DDX55: variants seen among roughly 807,000 people sequenced by gnomAD.
The protein encoded by DDX55 is DEAD-box helicase 55.
DDX55 carries 56 observed loss-of-function variants against 69.2 expected under a neutral mutation model. That is an observed-to-expected ratio of 0.81 (90% CI 0.65 to 1.01). DDX55 has a LOEUF of 1.01. Ranked by LOEUF, DDX55 falls within the 50% of genes least tolerant of loss-of-function variation. DDX55 has a pLI of 0.00. For missense variants in DDX55, 720 were observed against 745.1 expected, an observed-to-expected ratio of 0.97 and a Z score of 0.39; for synonymous variants, 268 against 273.1, an observed-to-expected ratio of 0.98 and a Z score of 0.18.
intron 8 of DDX55, among the ~76,000 whole-genome samples, chr12:123,614,916 A>T (rs1484861766): frequency 6.6e-6 from 1 of 152,214 alleles, no homozygotes; most frequent in East Asian, 1.9e-4. Context: ...ATTTCCCGTG[A>T]GAACATCTTT....
At position 123,610,017 on chromosome 12, in the gene DDX55, GA is replaced by G; in HGVS notation, c.632del (p.Asn211ThrfsTer3). ...CTGCCACTCAGACGCAGGAAGTGGA[GA>G]ACCTGGTGAGAGCGGGCCTCCGGAA... is the stretch of plus-strand genomic sequence containing the variant. ...FSATQTQEVENLVRAGLRNPV... is the reference protein window; with the variant it reads ...FSATQTQEVEXLVRAGLRNPV... On this transcript the variant is annotated frameshift_variant, in exon 7 of 14. Coordinates refer to ENST00000238146, the MANE Select transcript of DDX55 (RefSeq NM_020936.3). LOFTEE classifies it high-confidence loss of function. The G allele has an allele frequency of 6.2e-7, 1 of 1,614,198 alleles. No homozygotes were observed. The highest frequency in any genetic ancestry group is 8.5e-7 in the Non-Finnish European group (1 of 1,180,038).
chr12:123,602,511 G>A (rs1389751561), intron 1 of DDX55, among the ~76,000 whole-genome samples: 4 of 152,228 alleles, frequency 2.6e-5, no homozygotes, highest in African/African-American at 9.6e-5. Context: ...GGCCCTGCTC[G>A]CTGTAGCTGT....
chr12:123,609,816 G>T, intron 6 of DDX55, 123 bp from the exon 7 acceptor site: 1 of 1,153,038 alleles, frequency 8.7e-7, no homozygotes. Flanking sequence ...CCCAGTGTAT[G>T]TGCTATAAAT....
At position 123,602,344 on chromosome 12, in the gene DDX55, T is replaced by G; in HGVS notation, c.108+88T>G. On this transcript the variant is annotated intron_variant, in intron 1 of 13. Transcript: ENST00000238146. The stretch of plus-strand genomic sequence containing the variant: ...CCCACAGGAGGTGATCGGACAGATC[T>G]GAGCCCTGGGGCGCTCATCCCTCCA... The G allele has an allele frequency of 2.4e-6, 3 of 1,257,780 alleles. No individual in the cohort carries two copies. The South Asian group carries it at 4.4e-5, about 19-fold the overall frequency. The allele number at this position is 1,257,780 out of a possible 1,614,324, so 77.9% of individuals were successfully genotyped here. A position where few individuals can be genotyped will look rare whatever the true frequency, so the allele number is the denominator to read the frequency against.
In DDX55 at chr12:123,620,259, T is replaced by C. The variant is rs964462689; in HGVS notation, c.*119T>C. 5 of 957,556 alleles carry C rather than the reference T, an allele frequency of 5.2e-6. No individual in the cohort carries two copies. In the Admixed American group the frequency reaches 1.3e-4, roughly 25 times the overall value. 59.3% of individuals were successfully genotyped at this position (957,556 alleles called of 1,614,324 possible). A position where few individuals can be genotyped will look rare whatever the true frequency, so the allele number is the denominator to read the frequency against. On this transcript the variant is annotated 3_prime_UTR_variant, in exon 14 of 14. Coordinates refer to ENST00000238146, the MANE Select transcript of DDX55 (RefSeq NM_020936.3). ...AGACATCTGAAAAGAATGATGTCTC[T>C]GAAAGCTGTCCTTTCAGATGAGGGA...
rs752339661 is a variant in DDX55, at chr12:123,620,090, AC to A, written c.1754del (p.Thr585LysfsTer7). 14 of 1,614,066 alleles carry A rather than the reference AC, an allele frequency of 8.7e-6. No homozygotes were observed. Among genetic ancestry groups the A allele is most frequent in the Non-Finnish European group, 1.2e-5 (14 of 1,180,036 alleles). On this transcript the variant is annotated frameshift_variant, in exon 14 of 14. Transcript: ENST00000238146. LOFTEE classifies it high-confidence loss of function. ...GGGCTTGTTGACAACTGGCAAAAGA[AC>A]AATCAAGACAGTGGATTTAGGGATC... ...EKGLLTTGKR[T>X]IKTVDLGISD...
At position 123,620,576 on chromosome 12, in the gene DDX55, CATATTATATATAT is replaced by C. The variant is rs1555284548; in HGVS notation, c.*441_*453del. 1 of 59,646 alleles carries C rather than the reference CATATTATATATAT, an allele frequency of 1.7e-5. No homozygotes were observed. The highest frequency in any genetic ancestry group is 6.2e-5 in the African/African-American group (1 of 16,146). The allele number at this position is 59,646 out of a possible 1,614,324, so 3.7% of individuals were successfully genotyped here. ...GATGGGTCACATATAGACATATGTA[CATATTATATATAT>C]ATATATATATATATATATATATATA... On this transcript the variant is annotated 3_prime_UTR_variant, in exon 14 of 14. Coordinates refer to ENST00000238146, the MANE Select transcript of DDX55 (RefSeq NM_020936.3).
At chr12:123,612,459 T>C (rs2135717298) in intron 7 of DDX55, among the ~76,000 whole-genome samples, 1 of 152,306 alleles carries the variant, frequency 6.6e-6, no homozygotes, top group East Asian at 1.9e-4. Context: ...AATGGAGGAC[T>C]TGATTGCATT....
At chr12:123,612,135 C>G (rs1233804469) in intron 7 of DDX55, among the ~76,000 whole-genome samples, 1 of 152,212 alleles carries the variant, frequency 6.6e-6, no homozygotes, top group Non-Finnish European at 1.5e-5. Flanking sequence ...AGAGGAAATA[C>G]TCGGAGCATT....
chr12:123,619,700 G>T lies in DDX55; in HGVS notation c.1602G>T (p.Met534Ile), dbSNP rs760239361. 5 of 1,575,432 alleles carry T rather than the reference G, an allele frequency of 3.2e-6. No individual in the cohort carries two copies. The East Asian group carries it at 1.1e-4, about 35-fold the overall frequency. ...QKAKKEKKKK[M>I]NEKRKREEGS... ...CCAAAAAAGAAAAGAAGAAAAAAAT[G>T]AATGAGAAAAGGAAAAGGGAAGAGG... Residue 534 changes from methionine to isoleucine, a missense_variant, in exon 13 of 14, where the codon ATG (methionine) becomes ATT (isoleucine). Met to Ile is a conservative substitution (Grantham distance 10). Transcript: ENST00000238146.
intron 3 of DDX55, 49 bp downstream of exon 3, chr12:123,606,208 A>C (rs368867981): frequency 8.8e-6 from 14 of 1,599,846 alleles, no homozygotes; most frequent in Non-Finnish European, 1.2e-5. Context: ...CAGAGAGTTC[A>C]CATTGGATTA....
At chr12:123,607,335 G>T (rs1953951578) in intron 3 of DDX55, 97 bp from the exon 4 acceptor site, 1 of 1,339,252 alleles carries the variant, frequency 7.5e-7, no homozygotes, top group South Asian at 1.3e-5. Context: ...TGTTTCTCTG[G>T]AACTTTCCTT....
chr12:123,603,909 T>A (rs925994031), intron 1 of DDX55, among the ~76,000 whole-genome samples: 3 of 152,164 alleles, frequency 2.0e-5, no homozygotes, highest in African/African-American at 7.2e-5. Context: ...TTCAAGCTAT[T>A]CTCCCATCTC....
Position 123,618,644 on chromosome 12 carries a change from G to A in DDX55, c.1165-25G>A, listed in dbSNP as rs757448703. The A allele has an allele frequency of 3.7e-6, 6 of 1,602,630 alleles. No individual in the cohort carries two copies. The South Asian group carries it at 4.5e-5, about 12-fold the overall frequency. On this transcript the variant is annotated intron_variant, in intron 11 of 13. Transcript: ENST00000238146. ...ATATGATGCCAGCCAGGGAAGGTGA[G>A]AATGTGGTATGTGTGTGTGTGTAGT...
At chr12:123,608,911 A>C in intron 6 of DDX55, 82 bp downstream of exon 6, 3 of 1,207,362 alleles carry the variant, frequency 2.5e-6, no homozygotes, top group Non-Finnish European at 3.3e-6. Context: ...TTACTGTTTC[A>C]TGACTAGGTA....
chr12:123,620,293 G>A lies in DDX55; in HGVS notation c.*153G>A. On this transcript the variant is annotated 3_prime_UTR_variant, in exon 14 of 14. Coordinates refer to ENST00000238146, the MANE Select transcript of DDX55 (RefSeq NM_020936.3). ...TCCTTTCAGATGAGGGAGAAATGAA[G>A]GATTTCACACTTCAGAATATTTTAC... is the stretch of plus-strand genomic sequence containing the variant. 2 of 738,528 alleles carry A rather than the reference G, an allele frequency of 2.7e-6. No individual in the cohort carries two copies. The highest frequency in any genetic ancestry group is 2.6e-5 in the South Asian group (1 of 38,562). 45.7% of individuals were successfully genotyped at this position (738,528 alleles called of 1,614,324 possible).
In DDX55 at chr12:123,602,301, G is replaced by A. The variant is rs1445630660; in HGVS notation, c.108+45G>A. 2.7e-6 allele frequency: 4 copies of A among 1,487,868 alleles called. No homozygotes were observed. The Admixed American group carries it at 8.2e-5, about 30-fold the overall frequency. The allele number at this position is 1,487,868 out of a possible 1,614,324, so 92.2% of individuals were successfully genotyped here. A position where few individuals can be genotyped will look rare whatever the true frequency, so the allele number is the denominator to read the frequency against. On this transcript the variant is annotated intron_variant, in intron 1 of 13. Transcript: ENST00000238146. ...GGGGAGTGAGGCTGGGAGAGGGGCA[G>A]GCACCCGCTGCATCGGACCCACAGG...
In DDX55 at chr12:123,616,722, C is replaced by T. The variant is rs139811194; in HGVS notation, c.1049+119C>T. The T allele has an allele frequency of 2.1e-3, 2,349 of 1,117,334 alleles. 50 individuals are homozygous for T. In the Admixed American group the frequency reaches 0.034, roughly 16 times the overall value. 69.2% of individuals were successfully genotyped at this position (1,117,334 alleles called of 1,614,324 possible). A position where few individuals can be genotyped will look rare whatever the true frequency, so the allele number is the denominator to read the frequency against. On this transcript the variant is annotated intron_variant, in intron 10 of 13. Transcript: ENST00000238146. The stretch of plus-strand genomic sequence containing the variant: ...GAAACATTTTATAGCAAGCCTCCAG[C>T]GTGCTTGGGTCTGCAGTGACCCCGT...
intron 7 of DDX55, among the ~76,000 whole-genome samples, chr12:123,612,844 A>G (rs1954363417): frequency 6.6e-6 from 1 of 151,804 alleles, no homozygotes; most frequent in Non-Finnish European, 1.5e-5. Context: ...AAGAAGAAAA[A>G]AAAAGGTAAA....
Sources: allele counts gnomAD v4.1 joint callset (sites outside exome capture counted in the v4.1 genomes callset), GRCh38; gene constraint gnomAD v4.1.1; transcripts MANE v1.5; gene names NCBI Gene and HGNC (gene_info 2026-07-23, HGNC 2026-07-21).